Variants in TPO observed in about 807,000 individuals in gnomAD.
TPO encodes thyroid microsomal antigen.
Under a neutral mutation model 96.9 loss-of-function variants are expected in TPO, and 78 were observed. The observed-to-expected ratio is 0.81, with a 90% CI of 0.67 to 0.97. TPO has a LOEUF of 0.97. Among genes scored for constraint, TPO ranks in the 50% least tolerant of loss-of-function variants. The pLI is 0.00. For synonymous variants in TPO, 547 were observed against 538.0 expected (o/e 1.02, Z -0.23); for missense variants, 1,252 against 1,274.8 (o/e 0.98, Z 0.27).
intron 15 of TPO, among the ~76,000 whole-genome samples, chr2:1,531,211 CACCCCAAA>C (rs1350745093): frequency 7.8e-6 from 1 of 128,142 alleles, no homozygotes; most frequent in East Asian, 2.4e-4. Flanking sequence ...TGTCTGCAAC[CACCCCAAA>C]TCGCCCCCAC....
At chr2:1,376,447 C>T (rs1473301139) in intron 1 of TPO, among the ~76,000 whole-genome samples, 2 of 152,150 alleles carry the variant, frequency 1.3e-5, no homozygotes, top group Non-Finnish European at 2.9e-5. Context: ...GCCATTGATC[C>T]AAAGTGACAT....
chr2:1,533,325 T>C (rs1013661103), intron 15 of TPO, among the ~76,000 whole-genome samples: 94 of 15,954 alleles, frequency 5.9e-3, no homozygotes, highest in Admixed American at 6.9e-3. Context: ...CGCAACCTCC[T>C]CAAATCCCCC....
chr2:1,411,179 C>A (rs996915423), upstream of TPO, among the ~76,000 whole-genome samples: 2 of 152,194 alleles, frequency 1.3e-5, no homozygotes, highest in Admixed American at 6.5e-5. Context: ...AGTGTAACAG[C>A]TTCCATTGTA....
At chr2:1,490,855 T>A (rs947147623) in intron 10 of TPO, among the ~76,000 whole-genome samples, 1 of 152,166 alleles carries the variant, frequency 6.6e-6, no homozygotes, top group South Asian at 2.1e-4. Context: ...ACGGGGAATA[T>A]AAAATGTACA....
intron 13 of TPO, 134 bp downstream of exon 13, chr2:1,496,899 A>C: frequency 1.5e-6 from 2 of 1,362,652 alleles, no homozygotes; most frequent in Non-Finnish European, 2.0e-6. Context: ...CAATCTGGGG[A>C]TAGAAAGCAA....
intron 15 of TPO, among the ~76,000 whole-genome samples, chr2:1,537,663 C>G (rs1281459927): frequency 7.4e-6 from 1 of 134,662 alleles, no homozygotes; most frequent in Non-Finnish European, 1.6e-5. Context: ...TGTGTGCAAC[C>G]TCCGCAAATC....
intron 5 of TPO, 54 bp downstream of exon 5, chr2:1,436,438 C>T: frequency 1.2e-6 from 2 of 1,612,380 alleles, no homozygotes; most frequent in Non-Finnish European, 1.7e-6. Flanking sequence ...CTGAACATGA[C>T]TAGATGCCAT....
chr2:1,429,036 A>G (rs1664717543), intron 3 of TPO, among the ~76,000 whole-genome samples: 1 of 152,226 alleles, frequency 6.6e-6, no homozygotes, highest in South Asian at 2.1e-4. Context: ...GTCAGCCGAT[A>G]TAAAACACGT....
At position 1,532,225 on chromosome 2, in the gene TPO, AT is replaced by A. The variant is rs1191150838; in HGVS notation, c.2619-8368del. Among the ~76,000 whole-genome samples the A allele has an allele frequency of 1.8e-3, 46 of 26,194 alleles. 1 individual carries two copies. Among genetic ancestry groups the A allele is most frequent in the South Asian group, 0.012 (5 of 428 alleles). The allele number at this position is 26,194 out of a possible 152,430, so 17.2% of individuals were successfully genotyped here. ...CCACCACTGTGAGCAACCTCCTCAAATCCCCCCACTGCCTGCAACCTCCTCA... is the reference window on the plus strand; with the variant it reads ...CCACCACTGTGAGCAACCTCCTCAAACCCCCCACTGCCTGCAACCTCCTCA... On this transcript the variant is annotated intron_variant, in intron 15 of 16. Transcript: ENST00000329066.
chr2:1,407,359 G>C (rs1319642490), intron 1 of TPO, among the ~76,000 whole-genome samples: 1 of 152,102 alleles, frequency 6.6e-6, no homozygotes, highest in Non-Finnish European at 1.5e-5. Flanking sequence ...TGAGAAAAGG[G>C]GTGTGTTATG....
intron 2 of TPO, among the ~76,000 whole-genome samples, chr2:1,422,129 A>G (rs1663615164): frequency 6.6e-6 from 1 of 152,244 alleles, no homozygotes. Flanking sequence ...GAGATCCAGC[A>G]CGGAGGTTTT....
At chr2:1,479,973 G>A (rs952516612) in intron 8 of TPO, among the ~76,000 whole-genome samples, 2 of 152,082 alleles carry the variant, frequency 1.3e-5, no homozygotes, top group Non-Finnish European at 2.9e-5. Context: ...ATAGACATGG[G>A]GTTTTGCCAT....
chr2:1,404,143 G>A (rs1433437083), intron 1 of TPO, among the ~76,000 whole-genome samples: 2 of 152,212 alleles, frequency 1.3e-5, no homozygotes, highest in East Asian at 1.9e-4. Flanking sequence ...AAGTGGAGGG[G>A]CTAAGAGACA....
intron 7 of TPO, among the ~76,000 whole-genome samples, 162 bp from the exon 8 acceptor site, chr2:1,476,924 C>T (rs1208124770): frequency 6.8e-6 from 1 of 147,568 alleles, no homozygotes; most frequent in Non-Finnish European, 1.5e-5. Flanking sequence ...GTAAGCAGGC[C>T]GGGGGGGGAG....
At chr2:1,540,752 G>C (rs774655950) in intron 16 of TPO, 29 bp downstream of exon 16, 1 of 1,613,256 alleles carries the variant, frequency 6.2e-7, no homozygotes, top group Non-Finnish European at 8.5e-7. Flanking sequence ...CATGTTTCCA[G>C]CTGCCACCGC....
chr2:1,422,814 G>T (rs765091848), intron 2 of TPO, among the ~76,000 whole-genome samples: 4 of 152,240 alleles, frequency 2.6e-5, no homozygotes, highest in Non-Finnish European at 5.9e-5. Flanking sequence ...ATTAAGGTGA[G>T]TAGCTCTGAT....
intron 5 of TPO, among the ~76,000 whole-genome samples, chr2:1,437,784 T>C (rs1665730127): frequency 6.6e-6 from 1 of 152,038 alleles, no homozygotes; most frequent in Admixed American, 6.5e-5. Flanking sequence ...AACACAGAGA[T>C]GGGTCAGGGC....
At chr2:1,488,730 G>A (rs1204647365) in intron 10 of TPO, among the ~76,000 whole-genome samples, 2 of 152,148 alleles carry the variant, frequency 1.3e-5, no homozygotes, top group African/African-American at 4.8e-5. Flanking sequence ...TGTTGTGTGT[G>A]GGTGACATGT....
At chr2:1,449,932 G>A (rs1217780406) in intron 5 of TPO, among the ~76,000 whole-genome samples, 2 of 152,104 alleles carry the variant, frequency 1.3e-5, no homozygotes, top group African/African-American at 4.8e-5. Flanking sequence ...CTTCAATCAA[G>A]TAGCTCCAGC....
Sources: gnomAD v4.1 joint callset for allele counts (sites outside exome capture counted in the v4.1 genomes callset) on GRCh38, gnomAD v4.1.1 for gene constraint, MANE v1.5 for transcripts, NCBI Gene and HGNC (gene_info 2026-07-23, HGNC 2026-07-21) for gene names.